IKZF4: variants seen among roughly 807,000 people sequenced by gnomAD.
The protein encoded by IKZF4 is IKAROS family zinc finger 4.
A neutral mutation model predicts 47.7 loss-of-function variants in IKZF4; 11 were observed. The observed-to-expected ratio is 0.23, with a 90% CI of 0.15 to 0.38. IKZF4 has a LOEUF of 0.38. Ranked by LOEUF, IKZF4 falls within the 10% of genes least tolerant of loss-of-function variation. The probability of loss-of-function intolerance (pLI) is 1.00; values close to 1 mark genes in which losing one functional copy is unlikely to be tolerated. For missense variants in IKZF4, 557 were observed against 784.9 expected, an observed-to-expected ratio of 0.71 and a Z score of 3.47; for synonymous variants, 298 against 299.4, an observed-to-expected ratio of 1.00 and a Z score of 0.05.
chr12:56,020,686 AG>A (rs1892744323), upstream of IKZF4, among the ~76,000 whole-genome samples: 1 of 152,178 alleles, frequency 6.6e-6, no homozygotes, highest in South Asian at 2.1e-4. Context: ...GGGCACAGGA[AG>A]GGGGGGAAAT....
In IKZF4 at chr12:56,032,578, G is replaced by A. The variant is rs1445015057; in HGVS notation, c.733G>A (p.Gly245Ser). Residue 245 changes from glycine (G) to serine (S), a missense_variant, in exon 6 of 8, where the codon GGC becomes AGC. Gly to Ser is a moderately conservative substitution (Grantham distance 56, BLOSUM62 0). This residue lies in a region of IKZF4 where 72 missense variants were observed against 112.4 expected (regional missense o/e 0.64). Coordinates refer to ENST00000547167, the MANE Select transcript of IKZF4 (RefSeq NM_022465.4). ...CTCCACAGTCTCCTCTCCCACAGTG[G>A]GCAAGCCCTACAAGTGTAACTACTG... is the stretch of plus-strand genomic sequence containing the variant. ...RTHSVSSPTV[G>S]KPYKCNYCGR... 2 of 1,613,286 alleles carry A rather than the reference G, an allele frequency of 1.2e-6. No individual in the cohort carries two copies.
intron 5 of IKZF4, among the ~76,000 whole-genome samples, chr12:56,030,241 C>T (rs978046998): frequency 6.6e-6 from 1 of 151,316 alleles, no homozygotes; most frequent in African/African-American, 2.4e-5. Context: ...CATAGTGAGA[C>T]TTCGTCTCTA....
chr12:56,018,325 G>C (rs148518701), upstream of IKZF4: 2 of 450,096 alleles, frequency 4.4e-6, no homozygotes, highest in Non-Finnish European at 7.6e-6. Context: ...TTGGTAGTGT[G>C]CAATTATTTT....
intron 2 of IKZF4, 133 bp downstream of exon 2, chr12:56,023,897 T>G: frequency 6.7e-7 from 1 of 1,493,624 alleles, no homozygotes; most frequent in Non-Finnish European, 8.9e-7. Flanking sequence ...TAGGCCTGTG[T>G]GCACACATCC....
chr12:56,019,249 A>G (rs75337829), upstream of IKZF4: 203 of 389,624 alleles, frequency 5.2e-4, 1 homozygote, highest in Middle Eastern at 1.3e-3. Flanking sequence ...TTTTGATGTG[A>G]TGAGTATCCC....
At chr12:56,024,546 A>T in intron 2 of IKZF4, 1 of 698,512 alleles carries the variant, frequency 1.4e-6, no homozygotes, top group Non-Finnish European at 1.8e-6. Context: ...ATTCATTTCA[A>T]GTGCACAGAA....
At chr12:56,027,632 TCA>T (rs1894242237) in intron 4 of IKZF4, 146 bp from the exon 5 acceptor site, 1 of 762,712 alleles carries the variant, frequency 1.3e-6, no homozygotes, top group Non-Finnish European at 2.2e-6. Context: ...TCTTCATAAA[TCA>T]GGGTTTGTGT....
intron 2 of IKZF4, 189 bp from the exon 3 acceptor site, chr12:56,024,865 C>T (rs1446473967): frequency 3.0e-5 from 44 of 1,472,762 alleles, no homozygotes; most frequent in Non-Finnish European, 4.0e-5. Flanking sequence ...ACTGAGCTCA[C>T]AGAAGGCAGC....
chr12:56,035,153 T>C lies in IKZF4; in HGVS notation c.1580T>C (p.Val527Ala), dbSNP rs1394096414. The C allele has an allele frequency of 1.2e-6, 2 of 1,614,030 alleles. No individual in the cohort carries two copies. Among genetic ancestry groups the C allele is most frequent in the African/African-American group, 1.3e-5 (1 of 74,912 alleles). Residue 527 changes from valine to alanine, a missense_variant, in exon 8 of 8, where the codon GTG becomes GCG. Val to Ala is a moderately conservative substitution (Grantham distance 64). Transcript: ENST00000547167. This position sits in a 1 kb window ranked among gnomAD's most constrained non-coding sequence, Gnocchi z 6.1. Reference protein sequence around the residue: ...LRVVGESGEPVKAFKCEHCRI... With the variant: ...LRVVGESGEPAKAFKCEHCRI... ...GTGGTGGGCGAGAGTGGTGAGCCTG[T>C]GAAGGCCTTCAAGTGTGAGCACTGC...
chr12:56,008,106 CA>C (rs1172234857), intron 1 of IKZF4, among the ~76,000 whole-genome samples: 4 of 151,804 alleles, frequency 2.6e-5, no homozygotes, highest in Non-Finnish European at 5.9e-5. Flanking sequence ...GGTATCTGAA[CA>C]AAAAAAGCGA....
chr12:56,034,759 A>T lies in IKZF4; in HGVS notation c.1186A>T (p.Thr396Ser), dbSNP rs753247716. 91 of 1,613,834 alleles carry T rather than the reference A, an allele frequency of 5.6e-5. No homozygotes were observed. Among genetic ancestry groups the T allele is most frequent in the Non-Finnish European group, 7.5e-5 (89 of 1,179,878 alleles). The change falls in exon 8 of 8, where the codon ACG becomes TCG. Residue 396 changes from threonine to serine, a missense_variant. By Grantham distance (58) the Thr-to-Ser change is moderately conservative. Transcript: ENST00000547167. ...LPPTNCISEL[T>S]PVISSVYTQM... ...ACCCACCAATTGCATCTCAGAACTCACGCCTGTCATCAGCTCTGTCTACAC... is the reference window on the plus strand; with the variant it reads ...ACCCACCAATTGCATCTCAGAACTCTCGCCTGTCATCAGCTCTGTCTACAC...
At chr12:56,022,169 G>A (rs1893123943) in intron 1 of IKZF4, among the ~76,000 whole-genome samples, 1 of 152,150 alleles carries the variant, frequency 6.6e-6, no homozygotes, top group African/African-American at 2.4e-5. Context: ...CAAGCTCATG[G>A]CTATTCCCTA....
At chr12:56,027,299 A>G (rs1420584966) in intron 4 of IKZF4, among the ~76,000 whole-genome samples, 1 of 152,178 alleles carries the variant, frequency 6.6e-6, no homozygotes, top group Admixed American at 6.5e-5. Flanking sequence ...AGAAAAGGTG[A>G]TATTTTTCTC....
chr12:56,018,073 C>T (rs1892364198), upstream of IKZF4: 2 of 1,146,246 alleles, frequency 1.7e-6, no homozygotes, highest in Non-Finnish European at 2.3e-6. Flanking sequence ...AAAGAAAAGC[C>T]TCCTCCCTTC....
rs773685285 is a variant in IKZF4, at chr12:56,021,410, G to A, written c.-84G>A. On this transcript the variant is annotated 5_prime_UTR_variant, in exon 1 of 8. Transcript: ENST00000547167. ...CCGCTGCTGCTGCCTGCGAAATGAC[G>A]GCGGTTCCCCTCACTTCCAGGAATC... 3.4e-5 allele frequency: 53 copies of A among 1,550,156 alleles called. No homozygotes were observed. The highest frequency in any genetic ancestry group is 2.6e-4 in the Admixed American group (13 of 50,948).
At position 56,038,351 on chromosome 12, in the gene IKZF4, T is replaced by C. The variant is rs571011696; in HGVS notation, c.*3020T>C. On this transcript the variant is annotated 3_prime_UTR_variant, in exon 8 of 8. Transcript: ENST00000547167. ...ATATGTAATATATTGTAAGTAAATA[T>C]TTGTGTAACGGAGATATACTACTGT... The C allele has an allele frequency of 1.4e-4, 21 of 152,720 alleles. No individual in the cohort carries two copies. Among genetic ancestry groups the C allele is most frequent in the African/African-American group, 5.1e-4 (21 of 41,546 alleles). 9.5% of individuals were successfully genotyped at this position (152,720 alleles called of 1,614,324 possible).
chr12:56,022,072 C>T (rs1893108059), intron 1 of IKZF4, among the ~76,000 whole-genome samples: 1 of 152,084 alleles, frequency 6.6e-6, no homozygotes, highest in Admixed American at 6.5e-5. Flanking sequence ...GGCTAGGATC[C>T]TGCCACCCTG....
At chr12:56,023,863 CTT>C (rs1271851227) in intron 2 of IKZF4, 99 bp downstream of exon 2, 6 of 1,520,644 alleles carry the variant, frequency 3.9e-6, no homozygotes, top group Non-Finnish European at 5.3e-6. Flanking sequence ...CTCTCCCTTG[CTT>C]TCTCTTTCTC....
In IKZF4 at chr12:56,035,550, T is replaced by C; in HGVS notation, c.*219T>C. The C allele has an allele frequency of 2.1e-6, 1 of 472,172 alleles. No homozygotes were observed. 29.2% of individuals were successfully genotyped at this position (472,172 alleles called of 1,614,324 possible). A position where few individuals can be genotyped will look rare whatever the true frequency, so the allele number is the denominator to read the frequency against. On this transcript the variant is annotated 3_prime_UTR_variant, in exon 8 of 8. Transcript: ENST00000547167. This position sits in a 1 kb window ranked among gnomAD's most constrained non-coding sequence, Gnocchi z 6.1. ...GATCTTTTGCTTATGTTTTTCCTTT[T>C]TATCTTCTCTCATCCCAGCATACTG...
Sources: allele counts gnomAD v4.1 joint callset (sites outside exome capture counted in the v4.1 genomes callset), GRCh38; gene constraint gnomAD v4.1.1; regional missense constraint gnomAD v4.1.1; non-coding constraint Gnocchi (gnomAD v3.1); transcripts MANE v1.5; gene names NCBI Gene and HGNC (gene_info 2026-07-23, HGNC 2026-07-21).